Variants in CAPN3 observed in about 807,000 individuals in gnomAD.
CAPN3 encodes the protein calpain 3.
A neutral mutation model predicts 114.0 loss-of-function variants in CAPN3; 88 were observed. The observed-to-expected ratio is 0.77, with a 90% CI of 0.65 to 0.92. CAPN3 has a LOEUF of 0.92. Ranked by LOEUF, CAPN3 falls within the 40% of genes least tolerant of loss-of-function variation. The pLI, the probability that CAPN3 is intolerant of heterozygous loss-of-function variation, is 0.00. For missense variants in CAPN3, 1,028 were observed against 1,069.0 expected (o/e 0.96, Z 0.53); for synonymous variants, 386 against 382.9 (o/e 1.01, Z -0.09).
At chr15:42,392,617 T>C (rs1204327406) in intron 6 of CAPN3, 22 bp from the exon 7 acceptor site, 1 of 1,599,546 alleles carries the variant, frequency 6.3e-7, no homozygotes, top group East Asian at 2.2e-5. Context: ...CCCTAATGGG[T>C]TCTCTGGTTA....
intron 6 of CAPN3, 47 bp from the exon 7 acceptor site, chr15:42,392,592 C>T (rs368476243): frequency 3.7e-5 from 55 of 1,475,558 alleles, no homozygotes; most frequent in Non-Finnish European, 4.8e-5. Context: ...AGCAGCAGAA[C>T]TTCTGTTCCC....
Position 42,401,999 on chromosome 15 carries a change from G to T in CAPN3, c.1525-125G>T. The stretch of plus-strand genomic sequence containing the variant: ...GGGCATTAGAGAGGCAGTGGAGCGG[G>T]CCTGGCAGAACAGGTGCCTGGGGGT... On this transcript the variant is annotated intron_variant, in intron 11 of 23. Coordinates refer to ENST00000397163, the MANE Select transcript of CAPN3 (RefSeq NM_000070.3). 6 of 1,380,210 alleles carry T rather than the reference G, an allele frequency of 4.3e-6. No homozygotes were observed. In the South Asian group the frequency reaches 7.0e-5, roughly 16 times the overall value. The allele number at this position is 1,380,210 out of a possible 1,614,324, so 85.5% of individuals were successfully genotyped here.
In CAPN3 at chr15:42,401,774, G is replaced by A; in HGVS notation, c.1488G>A (p.Gly496=). The A allele has an allele frequency of 6.2e-7, 1 of 1,613,992 alleles. No homozygotes were observed. The highest frequency in any genetic ancestry group is 8.5e-7 in the Non-Finnish European group (1 of 1,179,956). Residue 496 remains glycine, a synonymous_variant, in exon 11 of 24, where the codon GGG becomes GGA. Coordinates refer to ENST00000397163, the MANE Select transcript of CAPN3 (RefSeq NM_000070.3). Reference sequence around the variant, plus strand: ...ACCGGCGGAAGGACCGGAAGCTAGGGGCCAGTCTCTTCACCATTGGCTTCG... The same window carrying A: ...ACCGGCGGAAGGACCGGAAGCTAGGAGCCAGTCTCTTCACCATTGGCTTCG... ...QKNRRKDRKL[G]ASLFTIGFAI...
rs566936526 is a variant in CAPN3, at chr15:42,409,586, C to T, written c.1993-201C>T. 3.3e-5 allele frequency among the ~76,000 whole-genome samples: 5 copies of T among 152,306 alleles called. No individual in the cohort carries two copies. The East Asian group carries it at 7.7e-4, about 24-fold the overall frequency. On this transcript the variant is annotated intron_variant, in intron 17 of 23. Coordinates refer to ENST00000397163, the MANE Select transcript of CAPN3 (RefSeq NM_000070.3). ...TGGGGGGCTCAGAGGCCTTTTTGCT[C>T]TGAGCTGCCCACGGTGGTCCTGATA...
intron 1 of CAPN3, among the ~76,000 whole-genome samples, chr15:42,383,843 G>T (rs1316363820): frequency 6.6e-6 from 1 of 151,500 alleles, no homozygotes; most frequent in Non-Finnish European, 1.5e-5. Flanking sequence ...AAAGTGCTGA[G>T]ATTACAGGTG....
intron 23 of CAPN3, 45 bp downstream of exon 23, chr15:42,411,390 A>C: frequency 6.4e-7 from 1 of 1,568,892 alleles, no homozygotes; most frequent in Non-Finnish European, 8.8e-7. Context: ...TTAAAACTCA[A>C]GGTGGAGGGG....
chr15:42,402,185 C>G (rs1247719141), intron 12 of CAPN3, 50 bp downstream of exon 12: 8 of 1,613,290 alleles, frequency 5.0e-6, no homozygotes, highest in Non-Finnish European at 6.8e-6. Flanking sequence ...ACCCAGGGGG[C>G]CCCGAGTCTG....
intron 16 of CAPN3, chr15:42,408,990 C>A: frequency 2.3e-6 from 1 of 429,074 alleles, no homozygotes; most frequent in Non-Finnish European, 4.3e-6. Context: ...CCTGCGGGCA[C>A]CTTTAGTTGG....
intron 1 of CAPN3, among the ~76,000 whole-genome samples, chr15:42,377,110 T>A (rs2053109386): frequency 6.6e-6 from 1 of 151,940 alleles, no homozygotes; most frequent in Non-Finnish European, 1.5e-5. Context: ...TTGTGTCATC[T>A]GTAAATAAAG....
At chr15:42,366,819 CT>C (rs144584591) in intron 1 of CAPN3, among the ~76,000 whole-genome samples, 30 of 132,780 alleles carry the variant, frequency 2.3e-4, no homozygotes, top group Non-Finnish European at 6.2e-5. Context: ...TCACAGAATT[CT>C]TTTTTTTCTT....
intron 6 of CAPN3, among the ~76,000 whole-genome samples, chr15:42,391,515 C>A (rs765113674): frequency 6.6e-6 from 1 of 152,124 alleles, no homozygotes; most frequent in African/African-American, 2.4e-5. Flanking sequence ...GGCTGAGATA[C>A]CAAAAGCCCT....
In CAPN3 at chr15:42,387,833, GT is replaced by G. The variant is rs398123149; in HGVS notation, c.580del (p.Ser194ProfsTer26). 2 of 1,614,208 alleles carry G rather than the reference GT, an allele frequency of 1.2e-6. No individual in the cohort carries two copies. The highest frequency in any genetic ancestry group is 1.7e-6 in the Non-Finnish European group (2 of 1,180,042). On this transcript the variant is annotated frameshift_variant, in exon 4 of 24. Transcript: ENST00000397163. LOFTEE classifies it high-confidence loss of function. ...ACAACAATCAACTGGTTTTCACCAA[GT>G]CCAACCACCGCAATGAGTTCTGGAG... ...TYNNQLVFTKSNHRNEFWSAL... is the reference protein window; with the variant it reads ...TYNNQLVFTKXNHRNEFWSAL...
intron 7 of CAPN3, among the ~76,000 whole-genome samples, chr15:42,393,654 C>G (rs2053616225): frequency 6.7e-6 from 1 of 149,170 alleles, no homozygotes. Context: ...AGTGTAGTGG[C>G]ACAGTCTCGG....
chr15:42,400,587 G>A (rs2053835787), intron 10 of CAPN3, among the ~76,000 whole-genome samples: 1 of 151,604 alleles, frequency 6.6e-6, no homozygotes, highest in Admixed American at 6.6e-5. Flanking sequence ...AAAAAAAAAT[G>A]AGGTGGGAGG....
intron 1 of CAPN3, among the ~76,000 whole-genome samples, chr15:42,366,181 G>T (rs530270680): frequency 6.6e-6 from 1 of 152,174 alleles, no homozygotes; most frequent in African/African-American, 2.4e-5. Context: ...AATGTAAAAC[G>T]TGAGGGAGAA....
Position 42,380,778 on chromosome 15 carries a change from A to G in CAPN3, c.310-3705A>G, listed in dbSNP as rs796867877. ...TTTTTTTTTTTTTTTTTTTGTAAAGATGGGGTTTTGCCATGTTGCCCAGGC... is the reference window on the plus strand; with the variant it reads ...TTTTTTTTTTTTTTTTTTTGTAAAGGTGGGGTTTTGCCATGTTGCCCAGGC... On this transcript the variant is annotated intron_variant, in intron 1 of 23. Transcript: ENST00000397163. Among the ~76,000 whole-genome samples the G allele has an allele frequency of 6.2e-5, 6 of 96,140 alleles. No homozygotes were observed. The South Asian group carries it at 1.4e-3, about 22-fold the overall frequency. The allele number at this position is 96,140 out of a possible 152,430, so 63.1% of individuals were successfully genotyped here. A position where few individuals can be genotyped will look rare whatever the true frequency, so the allele number is the denominator to read the frequency against.
Position 42,409,378 on chromosome 15 carries a change from G to C in CAPN3, c.1990G>C (p.Asp664His), listed in dbSNP as rs563893708. The C allele has an allele frequency of 2.5e-6, 4 of 1,614,036 alleles. 1 individual carries two copies. The Admixed American group carries it at 6.7e-5, about 27-fold the overall frequency. ...GAACATTTTCAAGCAGATAGCAGGA[G>C]ATGTGAGTACCTCCAAGCCCAGGAC... ...FRNIFKQIAG[D>H]DMEICADELK... Residue 664 changes from aspartate (D) to histidine (H), a missense_variant and splice_region_variant, in exon 17 of 24, where the codon GAT (aspartate) becomes CAT (histidine). Coordinates refer to ENST00000397163, the MANE Select transcript of CAPN3 (RefSeq NM_000070.3).
chr15:42,381,081 T>G (rs1395429482), intron 1 of CAPN3, among the ~76,000 whole-genome samples: 1 of 152,156 alleles, frequency 6.6e-6, no homozygotes, highest in Non-Finnish European at 1.5e-5. Context: ...ATGACATTAC[T>G]GTCATTTGTT....
Position 42,359,883 on chromosome 15 carries a change from G to A in CAPN3, c.78G>A (p.Pro26=), listed in dbSNP as rs62642519. The stretch of plus-strand genomic sequence containing the variant: ...GGTCCCCAGGGCCAGTTCCTCACCC[G>A]GCCCAGAGCAAGGCCACTGAGGCTG... ...EPRSPGPVPH[P]AQSKATEAGG... The change falls in exon 1 of 24, where the codon CCG becomes CCA. Residue 26 remains proline (P), a synonymous_variant. Coordinates refer to ENST00000397163, the MANE Select transcript of CAPN3 (RefSeq NM_000070.3). 3.0e-3 allele frequency: 4,880 copies of A among 1,614,128 alleles called. 127 individuals carry two copies. In the African/African-American group the frequency reaches 0.059, roughly 19 times the overall value.
Sources: allele counts gnomAD v4.1 joint callset (sites outside exome capture counted in the v4.1 genomes callset), GRCh38; gene constraint gnomAD v4.1.1; transcripts MANE v1.5; gene names NCBI Gene and HGNC (gene_info 2026-07-23, HGNC 2026-07-21).